The following BRINP3 variants were observed in gnomAD, a reference collection of about 807,000 sequenced individuals.
BRINP3 encodes the protein BMP/retinoic acid inducible neural specific 3.
In BRINP3, 19 loss-of-function variants were observed where a neutral mutation model predicts 71.0. That is an observed-to-expected ratio of 0.27 (90% CI 0.19 to 0.39). The LOEUF (loss-of-function observed/expected upper bound fraction) is 0.39. Ranked by LOEUF, BRINP3 falls within the 10% of genes least tolerant of loss-of-function variation. The pLI is 1.00. For synonymous variants in BRINP3, 380 were observed against 337.7 expected (o/e 1.13, Z -1.37); for missense variants, 959 against 940.8 (o/e 1.02, Z -0.25).
At chr1:190,146,417 G>A (rs1437029743) in intron 7 of BRINP3, among the ~76,000 whole-genome samples, 1 of 152,082 alleles carries the variant, frequency 6.6e-6, no homozygotes, top group Non-Finnish European at 1.5e-5. Flanking sequence ...ACACGTGAGT[G>A]TATTTGTAGA....
chr1:190,451,302 C>G (rs2102611849), intron 2 of BRINP3, among the ~76,000 whole-genome samples: 1 of 152,192 alleles, frequency 6.6e-6, no homozygotes, highest in African/African-American at 2.4e-5. Flanking sequence ...ATCAGTAGTT[C>G]AAGATAACTG....
intron 2 of BRINP3, among the ~76,000 whole-genome samples, chr1:190,435,268 G>A (rs557018820): frequency 6.6e-6 from 1 of 152,192 alleles, no homozygotes; most frequent in Admixed American, 6.5e-5. Context: ...CAGCCAGAAT[G>A]TGTGGAATAA....
At chr1:190,251,776 AT>A (rs1469133133) in intron 4 of BRINP3, among the ~76,000 whole-genome samples, 7 of 150,014 alleles carry the variant, frequency 4.7e-5, no homozygotes, top group Admixed American at 1.4e-4. Context: ...TTAATATGAT[AT>A]TTAACAATAC....
At chr1:190,174,829 G>T (rs1317321607) in intron 6 of BRINP3, among the ~76,000 whole-genome samples, 1 of 152,022 alleles carries the variant, frequency 6.6e-6, no homozygotes, top group Non-Finnish European at 1.5e-5. Flanking sequence ...TCTACAGATT[G>T]TCTTGGAATT....
intron 2 of BRINP3, among the ~76,000 whole-genome samples, chr1:190,315,371 T>C (rs879267679): frequency 2.6e-5 from 4 of 152,032 alleles, no homozygotes; most frequent in African/African-American, 4.8e-5. Context: ...GGAATGGCCA[T>C]TGCAGATATG....
chr1:190,260,120 G>A (rs540498642), intron 4 of BRINP3, among the ~76,000 whole-genome samples: 12 of 151,692 alleles, frequency 7.9e-5, no homozygotes, highest in Admixed American at 6.6e-4. Flanking sequence ...GTGGTTACTA[G>A]GATGGGAGAG....
In BRINP3 at chr1:190,160,762, G is replaced by C; in HGVS notation, c.1090C>G (p.Gln364Glu). The change falls in exon 7 of 8, where the codon CAA becomes GAA. Residue 364 changes from glutamine to glutamate, a missense_variant. Coordinates refer to ENST00000367462, the MANE Select transcript of BRINP3 (RefSeq NM_199051.3). ...ATTTTCTGCGCCTTTAGGAAAAGTT[G>C]TTTCATGCTGTTCTCCAGTTGTTCA... ...RYEQLENSMK[Q>E]LFLKAQKIVH... 1 of 1,613,482 alleles carries C rather than the reference G, an allele frequency of 6.2e-7. No individual in the cohort carries two copies. The highest frequency in any genetic ancestry group is 8.5e-7 in the Non-Finnish European group (1 of 1,179,652).
At position 190,282,795 on chromosome 1, in the gene BRINP3, A is replaced by T. The variant is rs139449356; in HGVS notation, c.237-1045T>A. Among the ~76,000 whole-genome samples the T allele has an allele frequency of 4.9e-3, 748 of 152,118 alleles. 6 individuals carry two copies. Among genetic ancestry groups the T allele is most frequent in the African/African-American group, 0.017 (702 of 41,554 alleles). ...ATAAAGACAGAAAATTAAATTTTTT[A>T]AAGTTTTAAATTCTGATATGTACTG... On this transcript the variant is annotated intron_variant, in intron 2 of 7. Transcript: ENST00000367462.
intron 6 of BRINP3, among the ~76,000 whole-genome samples, chr1:190,207,734 G>A (rs1655636644): frequency 6.6e-6 from 1 of 152,060 alleles, no homozygotes; most frequent in Non-Finnish European, 1.5e-5. Flanking sequence ...ATTTACAAAT[G>A]CATATAAAAT....
intron 7 of BRINP3, among the ~76,000 whole-genome samples, chr1:190,137,321 C>A (rs1655057545): frequency 6.6e-6 from 1 of 151,424 alleles, no homozygotes; most frequent in Admixed American, 6.6e-5. Context: ...AAGAAATACT[C>A]TGATTGCCAT....
intron 7 of BRINP3, among the ~76,000 whole-genome samples, chr1:190,111,205 A>T (rs1373070116): frequency 6.6e-6 from 1 of 150,772 alleles, no homozygotes; most frequent in Non-Finnish European, 1.5e-5. Flanking sequence ...AAAAAAAAAA[A>T]AAACTTTAGA....
chr1:190,283,162 A>C (rs1407510913), intron 2 of BRINP3, among the ~76,000 whole-genome samples: 1 of 151,982 alleles, frequency 6.6e-6, no homozygotes, highest in Non-Finnish European at 1.5e-5. Flanking sequence ...GCCTGAACAT[A>C]AATTAGAAAT....
intron 7 of BRINP3, among the ~76,000 whole-genome samples, chr1:190,150,295 C>T (rs921652262): frequency 1.0e-4 from 15 of 150,700 alleles, no homozygotes; most frequent in African/African-American, 3.4e-4. Flanking sequence ...TGTGTACATA[C>T]ATAGATACAT....
At chr1:190,317,648 A>T (rs1665974835) in intron 2 of BRINP3, among the ~76,000 whole-genome samples, 1 of 151,612 alleles carries the variant, frequency 6.6e-6, no homozygotes, top group African/African-American at 2.4e-5. Flanking sequence ...TGAAAAAAAA[A>T]TCACAATGAA....
intron 7 of BRINP3, among the ~76,000 whole-genome samples, chr1:190,132,132 AT>A (rs1654596596): frequency 6.6e-6 from 1 of 152,026 alleles, no homozygotes; most frequent in African/African-American, 2.4e-5. Flanking sequence ...ATGACCTTTA[AT>A]TATAGATTCC....
chr1:190,117,461 C>T (rs1001999826), intron 7 of BRINP3, among the ~76,000 whole-genome samples: 70 of 151,830 alleles, frequency 4.6e-4, no homozygotes, highest in Middle Eastern at 3.2e-3. Context: ...TACTTGAGGA[C>T]CCAGGTATTT....
intron 6 of BRINP3, 56 bp from the exon 7 acceptor site, chr1:190,160,946 C>T (rs1456594911): frequency 3.2e-6 from 4 of 1,260,880 alleles, no homozygotes; most frequent in Non-Finnish European, 4.5e-6. Flanking sequence ...TTTTGTTTTT[C>T]ACAAACACGT....
At chr1:190,456,294 T>C (rs1451520612) in intron 1 of BRINP3, among the ~76,000 whole-genome samples, 1 of 152,200 alleles carries the variant, frequency 6.6e-6, no homozygotes, top group Admixed American at 6.5e-5. Flanking sequence ...AATATCACGA[T>C]ATCCATAAAA....
Position 190,453,182 on chromosome 1 carries a change from T to C in BRINP3, c.236+1473A>G, listed in dbSNP as rs530773769. Among the ~76,000 whole-genome samples the C allele has an allele frequency of 4.7e-4, 64 of 135,730 alleles. 1 individual carries two copies. Among genetic ancestry groups the C allele is most frequent in the African/African-American group, 1.5e-3 (58 of 38,750 alleles). 89.0% of individuals were successfully genotyped at this position (135,730 alleles called of 152,430 possible). On this transcript the variant is annotated intron_variant, in intron 2 of 7. Transcript: ENST00000367462. ...AAAATGTTGACAATTTCTGCTACTTTTCAGAAAGAAAAACTTTAGTATTTT... is the reference window on the plus strand; with the variant it reads ...AAAATGTTGACAATTTCTGCTACTTCTCAGAAAGAAAAACTTTAGTATTTT...
Sources: allele counts gnomAD v4.1 joint callset (sites outside exome capture counted in the v4.1 genomes callset), GRCh38; gene constraint gnomAD v4.1.1; transcripts MANE v1.5; gene names NCBI Gene and HGNC (gene_info 2026-07-23, HGNC 2026-07-21).